Variants in KCNIP4 observed in about 807,000 individuals in gnomAD.
The protein encoded by KCNIP4 is Kv channel-interacting protein 4.
A neutral mutation model predicts 34.0 loss-of-function variants in KCNIP4; 12 were observed. That is an observed-to-expected ratio of 0.35 (90% CI 0.23 to 0.57). KCNIP4 has a LOEUF of 0.57. Ranked by LOEUF, KCNIP4 falls within the 20% of genes least tolerant of loss-of-function variation. The pLI is 0.83. For missense variants in KCNIP4, 238 were observed against 311.7 expected, an observed-to-expected ratio of 0.76 and a Z score of 1.78; for synonymous variants, 124 against 102.2, an observed-to-expected ratio of 1.21 and a Z score of -1.29.
chr4:21,014,538 A>G (rs1239068715), intron 1 of KCNIP4, among the ~76,000 whole-genome samples: 1 of 152,248 alleles, frequency 6.6e-6, no homozygotes, highest in Middle Eastern at 3.2e-3. Context: ...GTCTTTTATT[A>G]TGGAAATGCA....
At chr4:20,915,598 A>G (rs1437535740) in intron 1 of KCNIP4, among the ~76,000 whole-genome samples, 1 of 152,188 alleles carries the variant, frequency 6.6e-6, no homozygotes, top group Non-Finnish European at 1.5e-5. Flanking sequence ...ACTCTAGGAC[A>G]TACTGAATTT....
chr4:21,682,410 T>G (rs1031946515), intron 1 of KCNIP4, among the ~76,000 whole-genome samples: 66 of 152,288 alleles, frequency 4.3e-4, no homozygotes, highest in African/African-American at 1.6e-3. Context: ...GGCTTTGGCT[T>G]AAGGGGGAGT....
At chr4:21,833,631 A>G (rs1465762695) in intron 1 of KCNIP4, among the ~76,000 whole-genome samples, 1 of 152,020 alleles carries the variant, frequency 6.6e-6, no homozygotes, top group African/African-American at 2.4e-5. Context: ...TTTTGTTGCC[A>G]TTGCTTTTGG....
intron 1 of KCNIP4, among the ~76,000 whole-genome samples, chr4:21,928,127 T>TAC (rs1553837569): frequency 1.1e-3 from 153 of 143,968 alleles, no homozygotes; most frequent in African/African-American, 3.6e-3. Flanking sequence ...TATATATATA[T>TAC]ACACACACAC....
intron 1 of KCNIP4, among the ~76,000 whole-genome samples, chr4:21,021,482 G>A (rs1472146692): frequency 6.6e-6 from 1 of 151,878 alleles, no homozygotes; most frequent in Non-Finnish European, 1.5e-5. Flanking sequence ...ATAACACTTA[G>A]CTTAAAACAT....
chr4:20,819,139 C>G (rs532487090), intron 3 of KCNIP4, among the ~76,000 whole-genome samples: 2 of 151,924 alleles, frequency 1.3e-5, no homozygotes, highest in Non-Finnish European at 2.9e-5. Flanking sequence ...GGATTACAGG[C>G]GTGAGCCACA....
intron 1 of KCNIP4, among the ~76,000 whole-genome samples, chr4:21,537,789 G>A (rs1312150164): frequency 6.6e-6 from 1 of 151,826 alleles, no homozygotes; most frequent in Non-Finnish European, 1.5e-5. Context: ...CAAGGCGGCC[G>A]GATCACGAGG....
At position 21,382,723 on chromosome 4, in the gene KCNIP4, C is replaced by T. The variant is rs1240916914; in HGVS notation, c.62-500014G>A. On this transcript the variant is annotated intron_variant, in intron 1 of 8. Coordinates refer to ENST00000382152, the MANE Select transcript of KCNIP4 (RefSeq NM_025221.6). ...TTATCTACTGCACAGCAAGCTGAAC[C>T]CATGGCTCAAATCTGAATTATCCAT... is the stretch of plus-strand genomic sequence containing the variant. 5.9e-5 allele frequency among the ~76,000 whole-genome samples: 9 copies of T among 152,218 alleles called. No individual in the cohort carries two copies. In the South Asian group the frequency reaches 1.9e-3, roughly 32 times the overall value.
At chr4:21,825,448 A>G (rs1722620988) in intron 1 of KCNIP4, among the ~76,000 whole-genome samples, 1 of 152,146 alleles carries the variant, frequency 6.6e-6, no homozygotes, top group African/African-American at 2.4e-5. Flanking sequence ...ACTCTGTTGA[A>G]TAGGAAATTT....
chr4:21,483,580 A>AAGAT, intron 1 of KCNIP4, among the ~76,000 whole-genome samples: 1 of 151,582 alleles, frequency 6.6e-6, no homozygotes, highest in East Asian at 1.9e-4. Flanking sequence ...ATGAGGTCAG[A>AAGAT]AGATAGAGAT....
intron 1 of KCNIP4, among the ~76,000 whole-genome samples, chr4:21,252,135 T>G (rs566418553): frequency 2.1e-4 from 32 of 149,694 alleles, no homozygotes; most frequent in Admixed American, 6.6e-4. Context: ...TTTTGTTTTT[T>G]TTTTTTTTTT....
At chr4:21,119,404 A>C (rs1408867834) in intron 1 of KCNIP4, among the ~76,000 whole-genome samples, 1 of 148,364 alleles carries the variant, frequency 6.7e-6, no homozygotes, top group Non-Finnish European at 1.5e-5. Context: ...TATTCACTCA[A>C]ATCTAGAAAG....
In KCNIP4 at chr4:21,785,006, T is replaced by C. The variant is rs144947772; in HGVS notation, c.61+163565A>G. Among the ~76,000 whole-genome samples, 5 of 152,322 alleles carry C rather than the reference T, an allele frequency of 3.3e-5. No individual in the cohort carries two copies. In the East Asian group the frequency reaches 9.7e-4, roughly 29 times the overall value. ...TAAACTATGAAGTTATATTACTGGC[T>C]GTCCCCACTCTCACCCATCCCTTGC... On this transcript the variant is annotated intron_variant, in intron 1 of 8. Transcript: ENST00000382152.
chr4:21,361,976 CACTT>C (rs1719275817), intron 1 of KCNIP4, among the ~76,000 whole-genome samples: 2 of 152,040 alleles, frequency 1.3e-5, no homozygotes, highest in Admixed American at 1.3e-4. Flanking sequence ...AGAATAAACT[CACTT>C]AGCAAAACCC....
At chr4:21,756,798 C>T (rs997884615) in intron 1 of KCNIP4, among the ~76,000 whole-genome samples, 4 of 151,664 alleles carry the variant, frequency 2.6e-5, no homozygotes, top group Non-Finnish European at 5.9e-5. Context: ...ATGTAAAACT[C>T]GCTTTTAGAG....
Position 21,496,429 on chromosome 4 carries a change from A to G in KCNIP4, c.61+452142T>C, listed in dbSNP as rs190260984. On this transcript the variant is annotated intron_variant, in intron 1 of 8. Coordinates refer to ENST00000382152, the MANE Select transcript of KCNIP4 (RefSeq NM_025221.6). ...TCAGGCCTCTCAAGTCCTAACAGCA[A>G]TAAAGAGTTTAGCCCAATTCTAATG... Among the ~76,000 whole-genome samples, 270 of 152,304 alleles carry G rather than the reference A, an allele frequency of 1.8e-3. 1 individual carries two copies. The highest frequency in any genetic ancestry group is 6.0e-3 in the African/African-American group (249 of 41,570).
chr4:21,853,741 A>G (rs1292899408), intron 1 of KCNIP4, among the ~76,000 whole-genome samples: 5 of 152,200 alleles, frequency 3.3e-5, no homozygotes, highest in Admixed American at 2.0e-4. Context: ...GAGAAAAGCT[A>G]TCTGTCTAGG....
intron 1 of KCNIP4, among the ~76,000 whole-genome samples, chr4:21,016,207 C>G (rs993258846): frequency 1.3e-5 from 2 of 151,150 alleles, no homozygotes; most frequent in African/African-American, 4.9e-5. Flanking sequence ...TGGATGAGGG[C>G]TTAGGTCGCT....
At chr4:21,190,285 T>C (rs1298809300) in intron 1 of KCNIP4, among the ~76,000 whole-genome samples, 1 of 151,782 alleles carries the variant, frequency 6.6e-6, no homozygotes, top group Non-Finnish European at 1.5e-5. Context: ...TGAAGCCTAA[T>C]GTTTTGGTTC....
Sources: gnomAD v4.1 joint callset for allele counts (sites outside exome capture counted in the v4.1 genomes callset) on GRCh38, gnomAD v4.1.1 for gene constraint, MANE v1.5 for transcripts, NCBI Gene and HGNC (gene_info 2026-07-23, HGNC 2026-07-21) for gene names.